Variants in PDCD6 observed in about 807,000 individuals in gnomAD.
The protein encoded by PDCD6 is programmed cell death protein 6.
PDCD6 carries 12 observed loss-of-function variants against 28.3 expected under a neutral mutation model. The ratio of observed to expected loss-of-function variants is 0.42; its 90% CI spans 0.27 to 0.69. PDCD6 has a LOEUF of 0.69. Ranked by LOEUF, PDCD6 falls within the 30% of genes least tolerant of loss-of-function variation. The pLI is 0.22. For missense variants in PDCD6, 226 were observed against 269.9 expected, an observed-to-expected ratio of 0.84 and a Z score of 1.14; for synonymous variants, 92 against 108.0, an observed-to-expected ratio of 0.85 and a Z score of 0.92.
At chr5:272,914 A>G in intron 2 of PDCD6, 142 bp downstream of exon 2, 1 of 1,373,220 alleles carries the variant, frequency 7.3e-7, no homozygotes, top group South Asian at 1.2e-5. Flanking sequence ...CGTAGTGGAG[A>G]TGCTTCTGGT....
At chr5:311,635 A>G in intron 5 of PDCD6, 1 of 512,284 alleles carries the variant, frequency 2.0e-6, no homozygotes. Context: ...GTGGTTTTTC[A>G]GTATCCGGTG....
intron 2 of PDCD6, among the ~76,000 whole-genome samples, chr5:283,074 A>T (rs1474364188): frequency 6.6e-6 from 1 of 151,674 alleles, no homozygotes; most frequent in Non-Finnish European, 1.5e-5. Flanking sequence ...TCAGCTGGAG[A>T]CTCAGGCAGG....
intron 2 of PDCD6, among the ~76,000 whole-genome samples, chr5:284,895 T>A (rs1327172098): frequency 6.9e-6 from 1 of 144,742 alleles, no homozygotes; most frequent in Non-Finnish European, 1.5e-5. Flanking sequence ...TGTTCCAGTC[T>A]GAGGGTCTTG....
At chr5:296,132 C>G (rs189917922) in intron 2 of PDCD6, among the ~76,000 whole-genome samples, 1 of 152,300 alleles carries the variant, frequency 6.6e-6, no homozygotes, top group African/African-American at 2.4e-5. Flanking sequence ...GTCACTTTCT[C>G]AAGTTTTAAG....
chr5:288,089 T>C (rs1739087705), intron 2 of PDCD6, among the ~76,000 whole-genome samples: 1 of 152,170 alleles, frequency 6.6e-6, no homozygotes, highest in South Asian at 2.1e-4. Flanking sequence ...TCTCTTGGAA[T>C]GTGTTTAACC....
intron 2 of PDCD6, among the ~76,000 whole-genome samples, chr5:302,787 CTG>C (rs1157147786): frequency 7.0e-6 from 1 of 143,414 alleles, no homozygotes. Flanking sequence ...TCATCGAGTG[CTG>C]TGTGTGTGGG....
intron 2 of PDCD6, among the ~76,000 whole-genome samples, chr5:279,685 T>G (rs1190578329): frequency 2.6e-5 from 4 of 151,250 alleles, no homozygotes; most frequent in Admixed American, 2.6e-4. Context: ...TTGGCCTCTA[T>G]TCTCATGGAG....
At chr5:294,239 A>G (rs79692958) in intron 2 of PDCD6, among the ~76,000 whole-genome samples, 26,585 of 137,214 alleles carry the variant, frequency 0.19, 4,674 homozygotes, top group African/African-American at 0.47. Context: ...AAAGCAATAT[A>G]AAAATCTAAA....
intron 2 of PDCD6, among the ~76,000 whole-genome samples, chr5:286,169 C>G (rs1207700910): frequency 6.9e-6 from 1 of 144,220 alleles, no homozygotes; most frequent in South Asian, 2.3e-4. Context: ...GTTTGAGGGC[C>G]GTGCAGCTGG....
rs148290767 is a variant in PDCD6, at chr5:306,714, C to T, written c.321C>T (p.Ser107=). The T allele has an allele frequency of 3.1e-5, 50 of 1,613,910 alleles. 1 individual carries two copies. The highest frequency in any genetic ancestry group is 8.9e-5 in the East Asian group (4 of 44,898). Residue 107 remains serine (S), a synonymous_variant, in exon 4 of 6, where the codon TCC becomes TCT. Coordinates refer to ENST00000264933, the MANE Select transcript of PDCD6 (RefSeq NM_013232.4). ...NVFRTYDRDN[S]GMIDKNELKQ... is the part of the protein sequence containing the mutation. ...TCCGCACGTACGACCGGGACAACTC[C>T]GGGATGATCGATAAGAACGAGCTGA... is the stretch of plus-strand genomic sequence containing the variant.
intron 2 of PDCD6, chr5:276,134 T>C (rs1261699326): frequency 5.4e-6 from 5 of 929,320 alleles, no homozygotes; most frequent in South Asian, 1.5e-5. Context: ...GAGGCTGAGA[T>C]GGGAAGATCA....
rs1283867727 is a variant in PDCD6, at chr5:305,573, C to G, written c.209-1029C>G. 1 of 152,240 alleles carries G rather than the reference C, an allele frequency of 6.6e-6. No individual in the cohort carries two copies. Among genetic ancestry groups the G allele is most frequent in the East Asian group, 1.9e-4 (1 of 5,192 alleles). The allele number at this position is 152,240 out of a possible 1,614,324, so 9.4% of individuals were successfully genotyped here. On this transcript the variant is annotated intron_variant, in intron 3 of 5. Transcript: ENST00000264933. This position sits in a 1 kb window ranked among gnomAD's most constrained non-coding sequence, Gnocchi z 4.0. ...CCGGAGAGGAATGGCCTGGGAGCCA[C>G]TCCTCTGCGGAGCCCTTACCCTGGG...
chr5:309,712 C>T (rs1740778827), intron 4 of PDCD6: 2 of 68,096 alleles, frequency 2.9e-5, no homozygotes, highest in Non-Finnish European at 5.9e-5. Flanking sequence ...CCGCCGTCCC[C>T]GTGCACCCCA....
At chr5:282,668 T>C (rs1323359648) in intron 2 of PDCD6, among the ~76,000 whole-genome samples, 2 of 150,088 alleles carry the variant, frequency 1.3e-5, no homozygotes, top group Admixed American at 6.6e-5. Flanking sequence ...GTAGCTGATG[T>C]TGTTTGCATT....
intron 2 of PDCD6, among the ~76,000 whole-genome samples, chr5:295,251 A>G (rs934535506): frequency 6.6e-6 from 1 of 152,206 alleles, no homozygotes; most frequent in African/African-American, 2.4e-5. Context: ...AGCGTATTGG[A>G]CTTTGAGTTG....
At chr5:277,798 C>T (rs1044671694) in intron 2 of PDCD6, among the ~76,000 whole-genome samples, 6 of 151,524 alleles carry the variant, frequency 4.0e-5, no homozygotes, top group Admixed American at 3.9e-4. Flanking sequence ...GCCTATAATC[C>T]CAGCTACTCG....
intron 2 of PDCD6, chr5:276,325 G>T (rs1047951650): frequency 9.1e-5 from 99 of 1,083,580 alleles, no homozygotes; most frequent in Admixed American, 2.1e-4. Context: ...CATCGTGGGG[G>T]CTCACGTTTT....
intron 3 of PDCD6, 155 bp from the exon 4 acceptor site, chr5:306,447 C>T: frequency 1.5e-6 from 1 of 669,440 alleles, no homozygotes; most frequent in Admixed American, 2.2e-5. Flanking sequence ...TAAGGGATTT[C>T]ACCCCATTCA....
intron 2 of PDCD6, among the ~76,000 whole-genome samples, chr5:297,603 A>G (rs1490422304): frequency 6.6e-6 from 1 of 152,206 alleles, no homozygotes; most frequent in Non-Finnish European, 1.5e-5. Context: ...GCAATCGAGG[A>G]ATTCCACACT....
Sources: gnomAD v4.1 joint callset for allele counts (sites outside exome capture counted in the v4.1 genomes callset) on GRCh38, gnomAD v4.1.1 for gene constraint, Gnocchi (gnomAD v3.1) non-coding constraint, MANE v1.5 for transcripts, NCBI Gene and HGNC (gene_info 2026-07-23, HGNC 2026-07-21) for gene names.